The following POLK variants were observed in gnomAD, a reference collection of about 807,000 sequenced individuals.
POLK encodes polymerase (DNA directed) kappa.
POLK carries 76 observed loss-of-function variants against 94.0 expected under a neutral mutation model. The ratio of observed to expected loss-of-function variants is 0.81; its 90% confidence interval spans 0.67 to 0.98. POLK has a LOEUF of 0.98. Ranked by LOEUF, POLK falls within the 50% of genes least tolerant of loss-of-function variation. The pLI is 0.00. For missense variants in POLK, 954 were observed against 1,010.1 expected, an observed-to-expected ratio of 0.94 and a Z score of 0.75; for synonymous variants, 349 against 325.4, an observed-to-expected ratio of 1.07 and a Z score of -0.78.
chr5:75,600,716 A>T (rs1023392339), exon 15 of POLK: 1 of 152,232 alleles, frequency 6.6e-6, no homozygotes, highest in Admixed American at 6.5e-5. Flanking sequence ...AATTCTACAC[A>T]GTGGTGAAAA....
exon 15 of POLK, chr5:75,597,959 A>G: frequency 6.6e-7 from 1 of 1,505,632 alleles, no homozygotes; most frequent in South Asian, 1.3e-5. Context: ...AAAGTACTCA[A>G]CATCAAAGAA....
intron 1 of POLK, among the ~76,000 whole-genome samples, chr5:75,544,473 C>T (rs1769908136): frequency 1.3e-5 from 2 of 152,136 alleles, no homozygotes; most frequent in South Asian, 4.1e-4. Context: ...GAAACCCCAT[C>T]TTTACTAAAA....
At chr5:75,522,924 T>C (rs1215129711) in intron 1 of POLK, among the ~76,000 whole-genome samples, 1 of 152,158 alleles carries the variant, frequency 6.6e-6, no homozygotes, top group Non-Finnish European at 1.5e-5. Context: ...AATATTAATG[T>C]TTACAAATAA....
At chr5:75,598,021 A>C in exon 15 of POLK, 1 of 1,071,506 alleles carries the variant, frequency 9.3e-7, no homozygotes, top group Non-Finnish European at 1.4e-6. Flanking sequence ...TTAAGTAAAC[A>C]TTGAACATTT....
At chr5:75,551,083 G>A (rs968993243) in intron 2 of POLK, among the ~76,000 whole-genome samples, 10 of 151,202 alleles carry the variant, frequency 6.6e-5, no homozygotes, top group Admixed American at 4.0e-4. Flanking sequence ...CCCTTACGCC[G>A]TACACAAAAT....
chr5:75,563,529 C>T (rs1238659018), intron 3 of POLK, among the ~76,000 whole-genome samples: 3 of 152,162 alleles, frequency 2.0e-5, no homozygotes, highest in African/African-American at 7.2e-5. Context: ...CTCCTATGGG[C>T]ATTTAGTGCT....
At chr5:75,568,297 G>A (rs1451061141) in intron 3 of POLK, among the ~76,000 whole-genome samples, 3 of 152,124 alleles carry the variant, frequency 2.0e-5, no homozygotes, top group Non-Finnish European at 4.4e-5. Context: ...TTATTTAATA[G>A]CTTTCTTATG....
At chr5:75,581,124 C>A in intron 6 of POLK, 85 bp from the exon 7 acceptor site, 1 of 943,278 alleles carries the variant, frequency 1.1e-6, no homozygotes, top group Non-Finnish European at 1.6e-6. Context: ...TTGTTTTTGT[C>A]TTCAGAAATA....
At chr5:75,604,406 T>A (rs1773370204), downstream of POLK, among the ~76,000 whole-genome samples, 1 of 152,124 alleles carries the variant, frequency 6.6e-6, no homozygotes, top group Non-Finnish European at 1.5e-5. Context: ...AGAGACAAGG[T>A]CTCACCGTCA....
intron 3 of POLK, among the ~76,000 whole-genome samples, chr5:75,564,389 A>C (rs1561376868): frequency 1.3e-5 from 2 of 152,184 alleles, no homozygotes; most frequent in South Asian, 4.2e-4. Flanking sequence ...CCAATTTGCC[A>C]GTCTGTGTCT....
chr5:75,551,957 A>C (rs968101670), intron 2 of POLK, among the ~76,000 whole-genome samples: 3 of 152,244 alleles, frequency 2.0e-5, no homozygotes, highest in Non-Finnish European at 4.4e-5. Flanking sequence ...CAAAAAGTGA[A>C]AATAAGCTAA....
intron 1 of POLK, among the ~76,000 whole-genome samples, chr5:75,541,730 T>C (rs1237923425): frequency 6.6e-6 from 1 of 152,196 alleles, no homozygotes; most frequent in Non-Finnish European, 1.5e-5. Flanking sequence ...TTTTTAAAGT[T>C]TTTTCCTCTT....
chr5:75,511,436 G>T (rs1767993653), upstream of POLK: 4 of 1,536,674 alleles, frequency 2.6e-6, no homozygotes, highest in Non-Finnish European at 3.5e-6. Context: ...TACCCTTCCA[G>T]CCGTCAGCCG....
At chr5:75,545,901 T>G (rs1014566274) in intron 1 of POLK, among the ~76,000 whole-genome samples, 4 of 152,238 alleles carry the variant, frequency 2.6e-5, no homozygotes, top group Non-Finnish European at 5.9e-5. Flanking sequence ...GTTATCTTTT[T>G]GTATGGCGAA....
chr5:75,564,935 A>T (rs549864145), intron 3 of POLK, among the ~76,000 whole-genome samples: 136 of 152,274 alleles, frequency 8.9e-4, no homozygotes, highest in Middle Eastern at 3.4e-3. Flanking sequence ...GTTTCTTGCT[A>T]GGTTGGGGAA....
At chr5:75,536,009 G>C (rs1028426983) in intron 1 of POLK, among the ~76,000 whole-genome samples, 2 of 152,192 alleles carry the variant, frequency 1.3e-5, no homozygotes, top group Non-Finnish European at 2.9e-5. Flanking sequence ...TTGGAGGTAA[G>C]AGGACACTCT....
chr5:75,572,030 T>C (rs1201189619), intron 4 of POLK, among the ~76,000 whole-genome samples: 1 of 152,216 alleles, frequency 6.6e-6, no homozygotes, highest in African/African-American at 2.4e-5. Context: ...CATTTGAAAA[T>C]CATTAGACGA....
At chr5:75,577,905 G>T (rs1316929660) in intron 6 of POLK, among the ~76,000 whole-genome samples, 1 of 151,878 alleles carries the variant, frequency 6.6e-6, no homozygotes, top group Admixed American at 6.6e-5. Flanking sequence ...ATCATTTCTC[G>T]ACACAGGCAC....
At chr5:75,523,175 A>G (rs1041446778) in intron 1 of POLK, among the ~76,000 whole-genome samples, 3 of 152,208 alleles carry the variant, frequency 2.0e-5, no homozygotes, top group Non-Finnish European at 4.4e-5. Flanking sequence ...ATCTTTGTCC[A>G]ATCTAGTAAA....
Sources: allele counts gnomAD v4.1 joint callset (sites outside exome capture counted in the v4.1 genomes callset), GRCh38; gene constraint gnomAD v4.1.1; transcripts MANE v1.5; gene names NCBI Gene and HGNC (gene_info 2026-07-23, HGNC 2026-07-21).